Variants in B3GALT1 observed in about 807,000 individuals in gnomAD.
The protein encoded by B3GALT1 is UDP-Gal:betaGlcNAc beta 1,3-galactosyltransferase, polypeptide 1.
B3GALT1 carries 10 observed loss-of-function variants against 23.2 expected under a neutral mutation model. The ratio of observed to expected loss-of-function variants is 0.43; its 90% CI spans 0.27 to 0.73. B3GALT1 has a LOEUF of 0.73. Ranked by LOEUF, B3GALT1 falls within the 30% of genes least tolerant of loss-of-function variation. B3GALT1 has a pLI of 0.21. For missense variants in B3GALT1, 299 were observed against 405.4 expected (o/e 0.74, Z 2.25); for synonymous variants, 156 against 141.5 (o/e 1.10, Z -0.73).
At chr2:167,369,858 A>C (rs537325763) in intron 1 of B3GALT1, among the ~76,000 whole-genome samples, 2 of 152,230 alleles carry the variant, frequency 1.3e-5, no homozygotes, top group African/African-American at 4.8e-5. Context: ...AAAATTCAGC[A>C]CAGTGCAGAT....
chr2:167,706,742 C>G (rs149229852), intron 3 of B3GALT1, among the ~76,000 whole-genome samples: 121 of 152,338 alleles, frequency 7.9e-4, no homozygotes, highest in African/African-American at 2.8e-3. Flanking sequence ...AATGCACAAG[C>G]AGCTGAGGTT....
chr2:167,492,815 T>C (rs570009630), intron 2 of B3GALT1, among the ~76,000 whole-genome samples: 2 of 152,230 alleles, frequency 1.3e-5, no homozygotes, highest in South Asian at 4.1e-4. Flanking sequence ...ATCAAGAATC[T>C]GAGGTTTTCC....
intron 3 of B3GALT1, among the ~76,000 whole-genome samples, chr2:167,775,296 C>T (rs896883547): frequency 3.3e-5 from 5 of 151,992 alleles, no homozygotes; most frequent in Non-Finnish European, 7.4e-5. Flanking sequence ...ATGGGCTGGG[C>T]GTGGTATCTC....
intron 1 of B3GALT1, among the ~76,000 whole-genome samples, chr2:167,378,918 CTGGT>C (rs1457048290): frequency 2.0e-5 from 3 of 152,198 alleles, no homozygotes; most frequent in African/African-American, 7.2e-5. Flanking sequence ...AATACTTGCA[CTGGT>C]TCCTTTTCAT....
At chr2:167,426,476 C>T (rs892814802) in intron 1 of B3GALT1, among the ~76,000 whole-genome samples, 3 of 151,878 alleles carry the variant, frequency 2.0e-5, no homozygotes, top group Admixed American at 6.6e-5. Flanking sequence ...GCTTTCATCC[C>T]GTTTTGAGGA....
intron 1 of B3GALT1, among the ~76,000 whole-genome samples, chr2:167,457,327 C>G (rs893971710): frequency 1.1e-4 from 16 of 151,936 alleles, no homozygotes; most frequent in African/African-American, 3.9e-4. Flanking sequence ...TGCACACTAC[C>G]ATGCCCAGCT....
intron 3 of B3GALT1, among the ~76,000 whole-genome samples, chr2:167,771,462 T>C (rs142914269): frequency 6.6e-6 from 1 of 152,128 alleles, no homozygotes; most frequent in Non-Finnish European, 1.5e-5. Context: ...TCCCAGCTAC[T>C]CGGATGGCTG....
chr2:167,594,061 A>G (rs1043474139), intron 2 of B3GALT1, among the ~76,000 whole-genome samples: 5 of 152,208 alleles, frequency 3.3e-5, no homozygotes, highest in African/African-American at 1.2e-4. Context: ...AACTCTTTTT[A>G]TGTACCTGGC....
At chr2:167,320,901 G>A (rs937653994) in intron 1 of B3GALT1, among the ~76,000 whole-genome samples, 21 of 151,234 alleles carry the variant, frequency 1.4e-4, no homozygotes, top group East Asian at 1.9e-4. Context: ...ATTAATCACC[G>A]TGAAAACAGC....
chr2:167,662,502 C>T (rs1686077899), intron 3 of B3GALT1, among the ~76,000 whole-genome samples: 1 of 152,090 alleles, frequency 6.6e-6, no homozygotes, highest in Non-Finnish European at 1.5e-5. Flanking sequence ...ACAATCAGTG[C>T]CCAGTTGGCA....
chr2:167,520,625 T>C (rs1414787030), intron 2 of B3GALT1, among the ~76,000 whole-genome samples: 1 of 152,204 alleles, frequency 6.6e-6, no homozygotes, highest in Non-Finnish European at 1.5e-5. Context: ...TTGCTCTTGA[T>C]TGGTTTGCTT....
intron 1 of B3GALT1, among the ~76,000 whole-genome samples, chr2:167,419,990 A>G (rs1235859885): frequency 6.6e-6 from 1 of 152,214 alleles, no homozygotes; most frequent in Non-Finnish European, 1.5e-5. Context: ...TTTAAAACAT[A>G]ATTAAATATC....
intron 3 of B3GALT1, among the ~76,000 whole-genome samples, chr2:167,685,022 A>T (rs1271175422): frequency 6.6e-6 from 1 of 152,234 alleles, no homozygotes; most frequent in Non-Finnish European, 1.5e-5. Context: ...GGAAATAAGG[A>T]TAATGTCACC....
At chr2:167,296,095 A>C (rs1696345856) in intron 1 of B3GALT1, among the ~76,000 whole-genome samples, 1 of 152,194 alleles carries the variant, frequency 6.6e-6, no homozygotes, top group South Asian at 2.1e-4. Flanking sequence ...CCATGAGCTT[A>C]GACTGCCATA....
intron 3 of B3GALT1, among the ~76,000 whole-genome samples, chr2:167,807,949 A>G (rs1306681640): frequency 6.6e-6 from 1 of 152,132 alleles, no homozygotes; most frequent in African/African-American, 2.4e-5. Flanking sequence ...GTCTCTTTGT[A>G]GGTCTCTAAG....
At chr2:167,606,067 G>A (rs935429815) in intron 2 of B3GALT1, among the ~76,000 whole-genome samples, 10 of 152,208 alleles carry the variant, frequency 6.6e-5, no homozygotes, top group South Asian at 6.2e-4. Flanking sequence ...TTTTTAAAGC[G>A]TATAAGGCTA....
intron 2 of B3GALT1, among the ~76,000 whole-genome samples, chr2:167,512,719 C>A (rs1266243182): frequency 6.8e-6 from 1 of 146,278 alleles, no homozygotes; most frequent in Non-Finnish European, 1.5e-5. Context: ...TCACTGCAAC[C>A]TACAGCTCAT....
chr2:167,333,753 A>G (rs776503977), intron 1 of B3GALT1, among the ~76,000 whole-genome samples: 2 of 152,216 alleles, frequency 1.3e-5, no homozygotes, highest in South Asian at 4.1e-4. Context: ...TTAGAAAGCA[A>G]TGCATTTAGG....
At chr2:167,557,289 T>C (rs2105385151) in intron 2 of B3GALT1, among the ~76,000 whole-genome samples, 2 of 152,324 alleles carry the variant, frequency 1.3e-5, no homozygotes, top group South Asian at 4.1e-4. Flanking sequence ...AAGTGTTCTT[T>C]GTTGCCAAGA....
Sources: allele counts gnomAD v4.1 joint callset (sites outside exome capture counted in the v4.1 genomes callset), GRCh38; gene constraint gnomAD v4.1.1; transcripts MANE v1.5; gene names NCBI Gene and HGNC (gene_info 2026-07-23, HGNC 2026-07-21).